RNF2: variants seen among roughly 807,000 people sequenced by gnomAD.
RNF2 encodes the protein E3 ubiquitin-protein ligase RING2.
RNF2 carries 6 observed loss-of-function variants against 37.2 expected under a neutral mutation model. The ratio of observed to expected loss-of-function variants is 0.16; its 90% CI spans 0.09 to 0.32. RNF2 has a LOEUF of 0.32. Ranked by LOEUF, RNF2 falls within the 10% of genes least tolerant of loss-of-function variation. The pLI is 1.00. For synonymous variants in RNF2, 133 were observed against 132.7 expected, an observed-to-expected ratio of 1.00 and a Z score of -0.02; for missense variants, 251 against 404.0, an observed-to-expected ratio of 0.62 and a Z score of 3.25.
Position 185,101,777 on chromosome 1 carries a change from A to G in RNF2, c.*1476A>G, listed in dbSNP as rs753394109. The G allele has an allele frequency of 6.8e-6, 1 of 146,756 alleles. No individual in the cohort carries two copies. 9.1% of individuals were successfully genotyped at this position (146,756 alleles called of 1,614,324 possible). On this transcript the variant is annotated 3_prime_UTR_variant, in exon 7 of 7. Transcript: ENST00000367510. ...CAGCCCGGTATGAAAACTTAAAGGT[A>G]TATATTCAATTTTTTACCATTTTAT...
intron 1 of RNF2, among the ~76,000 whole-genome samples, chr1:185,086,668 T>C (rs1327659969): frequency 6.6e-6 from 1 of 152,184 alleles, no homozygotes; most frequent in Admixed American, 6.5e-5. Flanking sequence ...AGGGCAGCTA[T>C]AGGATGAATA....
chr1:185,065,575 C>T (rs996335026), intron 1 of RNF2, among the ~76,000 whole-genome samples: 25 of 152,250 alleles, frequency 1.6e-4, no homozygotes, highest in African/African-American at 4.1e-4. Context: ...ACTCCAGACG[C>T]GCCACCTTTA....
chr1:185,050,275 C>T (rs908170118), intron 1 of RNF2, among the ~76,000 whole-genome samples: 15 of 152,192 alleles, frequency 9.9e-5, no homozygotes, highest in African/African-American at 3.4e-4. Context: ...AACTACTGTA[C>T]AGTGTTTTCA....
chr1:185,097,897 G>A (rs1237932326), intron 4 of RNF2, among the ~76,000 whole-genome samples, 175 bp from the exon 5 acceptor site: 1 of 152,240 alleles, frequency 6.6e-6, no homozygotes, highest in African/African-American at 2.4e-5. Context: ...CTGTGAGCAA[G>A]AGAGATTTTT....
At chr1:185,081,917 A>G (rs982728273) in intron 1 of RNF2, among the ~76,000 whole-genome samples, 14 of 152,144 alleles carry the variant, frequency 9.2e-5, no homozygotes, top group Non-Finnish European at 2.1e-4. Flanking sequence ...GCAGCAGACC[A>G]CCAAACAGTG....
At chr1:185,093,737 C>G (rs139595899) in intron 4 of RNF2, among the ~76,000 whole-genome samples, 1 of 152,336 alleles carries the variant, frequency 6.6e-6, no homozygotes, top group East Asian at 1.9e-4. Flanking sequence ...ACCTGGCTTT[C>G]AGGAGGCCAT....
intron 3 of RNF2, 37 bp from the exon 4 acceptor site, chr1:185,093,024 G>C (rs748212169): frequency 3.4e-5 from 54 of 1,586,174 alleles, no homozygotes; most frequent in Non-Finnish European, 4.7e-5. Context: ...AAAGATACTA[G>C]CATTGTTTAC....
In RNF2 at chr1:185,065,163, A is replaced by G. The variant is rs117221824; in HGVS notation, c.-3+19514A>G. On this transcript the variant is annotated intron_variant, in intron 1 of 6. Transcript: ENST00000367510. ...TAGCTAAAGGATTGTAAATTTACCA[A>G]TCAGCCCTCTGTGTCTAGCTAAAGG... Among the ~76,000 whole-genome samples, 1,438 of 152,144 alleles carry G rather than the reference A, an allele frequency of 9.5e-3. 39 individuals are homozygous for G. Among genetic ancestry groups the G allele is most frequent in the East Asian group, 0.085 (441 of 5,168 alleles).
At chr1:185,047,471 T>C (rs3753572) in intron 1 of RNF2, among the ~76,000 whole-genome samples, 2 of 152,364 alleles carry the variant, frequency 1.3e-5, no homozygotes, top group East Asian at 3.9e-4. Context: ...CTACAGTTTG[T>C]GGTGTCACGT....
In RNF2 at chr1:185,101,908, TATTCA is replaced by T; in HGVS notation, c.*1612_*1616del. On this transcript the variant is annotated 3_prime_UTR_variant, in exon 7 of 7. Transcript: ENST00000367510. ...ACCAAAAATCAAGGGAACTTTTATA[TATTCA>T]ATTCCTTTTCTGGTGTAATGTTAAA... The T allele has an allele frequency of 6.6e-6, 1 of 150,588 alleles. No homozygotes were observed. Among genetic ancestry groups the T allele is most frequent in the East Asian group, 2.0e-4 (1 of 5,050 alleles). 9.3% of individuals were successfully genotyped at this position (150,588 alleles called of 1,614,324 possible). A position where few individuals can be genotyped will look rare whatever the true frequency, so the allele number is the denominator to read the frequency against.
chr1:185,082,344 A>ATTTTTTTTT (rs1557969996), intron 1 of RNF2, among the ~76,000 whole-genome samples: 2 of 46,834 alleles, frequency 4.3e-5, no homozygotes, highest in Non-Finnish European at 8.3e-5. Flanking sequence ...CCTCTGCAGA[A>ATTTTTTTTT]CTTTTTTTTT....
At position 185,101,831 on chromosome 1, in the gene RNF2, G is replaced by GT. The variant is rs1557977834; in HGVS notation, c.*1530_*1531insT. ...AAATATTTAAAATCTGTTTTTACAGGGTTTTTTTTTTTTTTTTTTTTTTGT... is the reference window on the plus strand; with the variant it reads ...AAATATTTAAAATCTGTTTTTACAGGTGTTTTTTTTTTTTTTTTTTTTTTGT... On this transcript the variant is annotated 3_prime_UTR_variant, in exon 7 of 7. Transcript: ENST00000367510. The GT allele has an allele frequency of 6.9e-4, 53 of 76,800 alleles. No individual in the cohort carries two copies. The highest frequency in any genetic ancestry group is 5.9e-3 in the Admixed American group (37 of 6,300). 4.8% of individuals were successfully genotyped at this position (76,800 alleles called of 1,614,324 possible).
chr1:185,074,330 C>T (rs1308833392), intron 1 of RNF2, among the ~76,000 whole-genome samples: 2 of 152,084 alleles, frequency 1.3e-5, no homozygotes, highest in African/African-American at 4.8e-5. Context: ...AAACTCTTTT[C>T]CCTCTTTAGT....
At chr1:185,084,407 G>A (rs1651521521) in intron 1 of RNF2, among the ~76,000 whole-genome samples, 1 of 152,166 alleles carries the variant, frequency 6.6e-6, no homozygotes, top group African/African-American at 2.4e-5. Context: ...GAATAGAGAA[G>A]AACAAAAGGA....
At chr1:185,091,479 A>T in intron 2 of RNF2, 100 bp from the exon 3 acceptor site, 1 of 1,204,874 alleles carries the variant, frequency 8.3e-7, no homozygotes, top group Non-Finnish European at 1.2e-6. Flanking sequence ...TGATGGGTAC[A>T]TATATGTTTG....
rs1465703003 is a variant in RNF2, at chr1:185,092,895, CCA to C, written c.249-164_249-163del. Among the ~76,000 whole-genome samples the C allele has an allele frequency of 4.6e-5, 7 of 151,976 alleles. No homozygotes were observed. The East Asian group carries it at 1.4e-3, about 29-fold the overall frequency. On this transcript the variant is annotated intron_variant, in intron 3 of 6. Transcript: ENST00000367510. The stretch of plus-strand genomic sequence containing the variant: ...TTGAGGTTTCCAAAATCTTGCTTAC[CCA>C]CTAGTCAGATTTTCAAGGAAATTCA...
intron 1 of RNF2, among the ~76,000 whole-genome samples, chr1:185,082,344 A>AATTTTTTTTTTTTTTTTTTTT (rs1557969996): frequency 2.1e-5 from 1 of 46,864 alleles, no homozygotes; most frequent in Non-Finnish European, 4.1e-5. Context: ...CCTCTGCAGA[A>AATTTTTTTTTTTTTTTTTTTT]CTTTTTTTTT....
chr1:185,057,014 G>GTT (rs1650452403), intron 1 of RNF2, among the ~76,000 whole-genome samples: 1 of 151,964 alleles, frequency 6.6e-6, no homozygotes, highest in African/African-American at 2.4e-5. Context: ...ATTTATGTGT[G>GTT]TTTTAAAACC....
intron 1 of RNF2, among the ~76,000 whole-genome samples, chr1:185,068,362 G>A (rs1650862928): frequency 6.6e-6 from 1 of 152,168 alleles, no homozygotes; most frequent in Non-Finnish European, 1.5e-5. Context: ...TTTGAAAAAG[G>A]TTCTTTGCAT....
Sources: allele counts gnomAD v4.1 joint callset (sites outside exome capture counted in the v4.1 genomes callset), GRCh38; gene constraint gnomAD v4.1.1; transcripts MANE v1.5; gene names NCBI Gene and HGNC (gene_info 2026-07-23, HGNC 2026-07-21).